The following KCNIP1 variants were observed in gnomAD, a reference collection of about 807,000 sequenced individuals.
KCNIP1 encodes the protein A-type potassium channel modulatory protein KCNIP1.
KCNIP1 carries 18 observed loss-of-function variants against 33.0 expected under a neutral mutation model. The observed-to-expected ratio is 0.55, with a 90% confidence interval of 0.38 to 0.81. The LOEUF (loss-of-function observed/expected upper bound fraction) is 0.81, where lower values mean the gene tolerates loss of function less well. Among genes scored for constraint, KCNIP1 ranks in the 30% least tolerant of loss-of-function variants. The pLI is 0.00. For missense variants in KCNIP1, 238 were observed against 271.6 expected (o/e 0.88, Z 0.87); for synonymous variants, 93 against 98.3 (o/e 0.95, Z 0.32).
At chr5:170,634,214 C>T (rs1760195140) in intron 1 of KCNIP1, among the ~76,000 whole-genome samples, 1 of 152,158 alleles carries the variant, frequency 6.6e-6, no homozygotes, top group Non-Finnish European at 1.5e-5. Flanking sequence ...ATATCGGGAA[C>T]TTATGTTCGG....
intron 1 of KCNIP1, among the ~76,000 whole-genome samples, chr5:170,424,676 C>G (rs1755573408): frequency 6.6e-6 from 1 of 152,180 alleles, no homozygotes; most frequent in Admixed American, 6.5e-5. Flanking sequence ...TCCTGACTCC[C>G]CTGCCTCCAT....
intron 1 of KCNIP1, among the ~76,000 whole-genome samples, chr5:170,398,449 C>A (rs1754813699): frequency 6.6e-6 from 1 of 152,194 alleles, no homozygotes; most frequent in Non-Finnish European, 1.5e-5. Context: ...TGGTTAATTT[C>A]ACACATAATC....
chr5:170,469,136 C>G (rs568155310), intron 1 of KCNIP1, among the ~76,000 whole-genome samples: 1 of 152,240 alleles, frequency 6.6e-6, no homozygotes, highest in South Asian at 2.1e-4. Context: ...TGGTTCATGC[C>G]TGTAATCCTC....
chr5:170,525,216 C>G (rs1440662085), intron 1 of KCNIP1, among the ~76,000 whole-genome samples: 1 of 152,226 alleles, frequency 6.6e-6, no homozygotes, highest in Non-Finnish European at 1.5e-5. Flanking sequence ...CTGCAGGCCT[C>G]TAGCAGAGGG....
At position 170,487,787 on chromosome 5, in the gene KCNIP1, G is replaced by A. The variant is rs941218715; in HGVS notation, c.88+133823G>A. ...CCTACCCTGGCCTCCCAAAGTGCTG[G>A]GATTACAGGCATGAACCACTGCGCA... is the stretch of plus-strand genomic sequence containing the variant. On this transcript the variant is annotated intron_variant, in intron 1 of 7. Transcript: ENST00000377360. Among the ~76,000 whole-genome samples, 5 of 151,954 alleles carry A rather than the reference G, an allele frequency of 3.3e-5. No individual in the cohort carries two copies. In the South Asian group the frequency reaches 6.2e-4, roughly 19 times the overall value.
intron 5 of KCNIP1, among the ~76,000 whole-genome samples, chr5:170,725,711 C>A (rs192249746): frequency 6.6e-6 from 1 of 152,204 alleles, no homozygotes. Context: ...GGGATGGATA[C>A]CCATTTTTCA....
At chr5:170,616,226 G>C (rs765868655) in intron 1 of KCNIP1, among the ~76,000 whole-genome samples, 4 of 152,178 alleles carry the variant, frequency 2.6e-5, no homozygotes, top group Non-Finnish European at 4.4e-5. Flanking sequence ...TTGGTAAGAT[G>C]ATCATAAATG....
intron 1 of KCNIP1, among the ~76,000 whole-genome samples, chr5:170,393,838 C>T (rs996985033): frequency 8.5e-5 from 13 of 152,148 alleles, no homozygotes; most frequent in African/African-American, 3.1e-4. Flanking sequence ...TCCTGCCATG[C>T]TGTTAACATA....
intron 1 of KCNIP1, among the ~76,000 whole-genome samples, chr5:170,547,140 T>C (rs1251412211): frequency 6.6e-6 from 1 of 152,252 alleles, no homozygotes; most frequent in Non-Finnish European, 1.5e-5. Flanking sequence ...TGCTATTTAT[T>C]TGTAGATGGT....
chr5:170,433,981 C>T (rs142100210), intron 1 of KCNIP1, among the ~76,000 whole-genome samples: 1 of 152,316 alleles, frequency 6.6e-6, no homozygotes, highest in East Asian at 1.9e-4. Flanking sequence ...CCCAGCCTGA[C>T]TGCCTTGATT....
At chr5:170,418,762 C>T (rs1755398543) in intron 1 of KCNIP1, among the ~76,000 whole-genome samples, 1 of 152,208 alleles carries the variant, frequency 6.6e-6, no homozygotes. Flanking sequence ...CCTTTGTTCA[C>T]ACTGGGTTCT....
chr5:170,616,075 G>A (rs1207650018), intron 1 of KCNIP1, among the ~76,000 whole-genome samples: 2 of 152,132 alleles, frequency 1.3e-5, no homozygotes, highest in African/African-American at 4.8e-5. Flanking sequence ...ATGGAGTAGT[G>A]GGAATCTGCA....
chr5:170,652,223 C>T (rs2113724431), intron 1 of KCNIP1, among the ~76,000 whole-genome samples: 1 of 152,204 alleles, frequency 6.6e-6, no homozygotes, highest in South Asian at 2.1e-4. Context: ...GTGGCTAGTG[C>T]CTGTAATCCC....
At chr5:170,495,333 C>T (rs78297712) in intron 1 of KCNIP1, among the ~76,000 whole-genome samples, 2,190 of 152,354 alleles carry the variant, frequency 0.014, 56 homozygotes, top group African/African-American at 0.05. Flanking sequence ...GACCGCACCA[C>T]TGTTGGGTGC....
At chr5:170,618,144 A>G (rs1049121295) in intron 1 of KCNIP1, among the ~76,000 whole-genome samples, 3 of 152,126 alleles carry the variant, frequency 2.0e-5, no homozygotes, top group African/African-American at 4.8e-5. Context: ...AATTTGTCTC[A>G]TTATAAATGA....
At chr5:170,572,501 A>G (rs1344927840) in intron 1 of KCNIP1, among the ~76,000 whole-genome samples, 1 of 152,188 alleles carries the variant, frequency 6.6e-6, no homozygotes, top group East Asian at 1.9e-4. Flanking sequence ...AAAAATATTT[A>G]TAACCTGACT....
At chr5:170,718,013 G>C (rs73321346) in intron 1 of KCNIP1, among the ~76,000 whole-genome samples, 3,360 of 152,304 alleles carry the variant, frequency 0.022, 138 homozygotes, top group African/African-American at 0.076. Context: ...TGATCCTTCA[G>C]TGGAAGATGG....
At chr5:170,735,407 G>C (rs1764351685) in intron 7 of KCNIP1, among the ~76,000 whole-genome samples, 1 of 152,090 alleles carries the variant, frequency 6.6e-6, no homozygotes, top group Admixed American at 6.5e-5. Flanking sequence ...AGGAATGCAA[G>C]GTTGGTTTAA....
At chr5:170,680,674 G>A (rs181752938) in intron 1 of KCNIP1, 1 of 158,848 alleles carries the variant, frequency 6.3e-6, no homozygotes, top group East Asian at 1.8e-4. Context: ...GCGATCTAAA[G>A]CAATGGGGCT....
Sources: allele counts gnomAD v4.1 joint callset (sites outside exome capture counted in the v4.1 genomes callset), GRCh38; gene constraint gnomAD v4.1.1; transcripts MANE v1.5; gene names NCBI Gene and HGNC (gene_info 2026-07-23, HGNC 2026-07-21).